The following PARVA variants were observed in gnomAD, a reference collection of about 807,000 sequenced individuals.
PARVA encodes the protein parvin alpha.
A neutral mutation model predicts 52.6 loss-of-function variants in PARVA; 25 were observed. The ratio of observed to expected loss-of-function variants is 0.48; its 90% CI spans 0.35 to 0.66. PARVA has a LOEUF of 0.66. Among genes scored for constraint, PARVA ranks in the 30% least tolerant of loss-of-function variants. PARVA has a pLI of 0.01. For synonymous variants in PARVA, 185 were observed against 179.1 expected (o/e 1.03, Z -0.26); for missense variants, 373 against 450.9 (o/e 0.83, Z 1.56).
At chr11:12,458,297 GAC>G (rs925683481) in intron 1 of PARVA, among the ~76,000 whole-genome samples, 4 of 152,178 alleles carry the variant, frequency 2.6e-5, no homozygotes, top group African/African-American at 9.6e-5. Flanking sequence ...GTTTTCTCAG[GAC>G]AGTGTCATAC....
At chr11:12,525,924 G>A (rs976262347) in intron 12 of PARVA, among the ~76,000 whole-genome samples, 3 of 151,962 alleles carry the variant, frequency 2.0e-5, no homozygotes, top group Non-Finnish European at 2.9e-5. Flanking sequence ...TGGGGTGGGG[G>A]GAACCTAAGG....
At chr11:12,459,192 AG>A (rs1400598229) in intron 1 of PARVA, among the ~76,000 whole-genome samples, 1 of 151,964 alleles carries the variant, frequency 6.6e-6, no homozygotes, top group Non-Finnish European at 1.5e-5. Context: ...TTTTGGGCCC[AG>A]GGGTTCGAGA....
intron 1 of PARVA, among the ~76,000 whole-genome samples, chr11:12,455,246 T>A (rs1291616017): frequency 6.6e-6 from 1 of 152,188 alleles, no homozygotes; most frequent in Non-Finnish European, 1.5e-5. Flanking sequence ...AGATAATTAA[T>A]CCATTAGGGA....
At chr11:12,455,719 C>T (rs764607928) in intron 1 of PARVA, among the ~76,000 whole-genome samples, 29 of 152,100 alleles carry the variant, frequency 1.9e-4, no homozygotes, top group Non-Finnish European at 3.7e-4. Flanking sequence ...TATTTAGAGA[C>T]CACAGTCCAG....
intron 1 of PARVA, among the ~76,000 whole-genome samples, chr11:12,427,141 T>C (rs10734197): frequency 0.77 from 117,103 of 152,142 alleles, 49,086 homozygotes; most frequent in Non-Finnish European, 0.92. Flanking sequence ...TTAATTAATA[T>C]AGTAGAGCTA....
At position 12,529,296 on chromosome 11, in the gene PARVA, C is replaced by T. The variant is rs1299279148; in HGVS notation, c.*1371C>T. ...AAAGACAGAGCTCTAGTGTGCCAGC[C>T]TGCTAAGTCCTGTAAGAATAGGGAA... On this transcript the variant is annotated 3_prime_UTR_variant, in exon 13 of 13. Coordinates refer to ENST00000334956, the MANE Select transcript of PARVA (RefSeq NM_018222.5). 3 of 152,096 alleles carry T rather than the reference C, an allele frequency of 2.0e-5. No individual in the cohort carries two copies. The highest frequency in any genetic ancestry group is 4.4e-5 in the Non-Finnish European group (3 of 68,024). 9.4% of individuals were successfully genotyped at this position (152,096 alleles called of 1,614,324 possible). A position where few individuals can be genotyped will look rare whatever the true frequency, so the allele number is the denominator to read the frequency against.
At chr11:12,393,104 A>G (rs964711218) in intron 1 of PARVA, among the ~76,000 whole-genome samples, 2 of 151,790 alleles carry the variant, frequency 1.3e-5, no homozygotes, top group African/African-American at 4.8e-5. Flanking sequence ...GCAAAGATTT[A>G]CACGTAAGTG....
chr11:12,380,049 A>T (rs1311288814), intron 1 of PARVA, among the ~76,000 whole-genome samples: 1 of 152,166 alleles, frequency 6.6e-6, no homozygotes, highest in Non-Finnish European at 1.5e-5. Flanking sequence ...GCCTTTTATT[A>T]CTACCTTGCT....
intron 1 of PARVA, among the ~76,000 whole-genome samples, chr11:12,445,904 C>A (rs181824195): frequency 2.0e-5 from 3 of 152,112 alleles, no homozygotes; most frequent in Admixed American, 2.0e-4. Flanking sequence ...CCCTATACCG[C>A]AACAAATGCC....
chr11:12,474,049 C>T, intron 3 of PARVA, 66 bp downstream of exon 3: 6 of 1,294,084 alleles, frequency 4.6e-6, no homozygotes, highest in Non-Finnish European at 6.6e-6. Flanking sequence ...ATGCCACCTG[C>T]TCTGTGCAGG....
At position 12,377,683 on chromosome 11, in the gene PARVA, C is replaced by T. The variant is rs773284103; in HGVS notation, c.36C>T (p.Pro12=). The change falls in exon 1 of 13, where the codon CCC becomes CCT. Residue 12 remains proline, a synonymous_variant. Coordinates refer to ENST00000334956, the MANE Select transcript of PARVA (RefSeq NM_018222.5). Reference sequence around the variant, plus strand: ...CCCCGCAGAAGTCGCCTTCTGTCCCCAAGTCTCCCACTCCCAAGTCGCCCC... The same window carrying T: ...CCCCGCAGAAGTCGCCTTCTGTCCCTAAGTCTCCCACTCCCAAGTCGCCCC... ...ATSPQKSPSV[P]KSPTPKSPPS... The T allele has an allele frequency of 2.5e-6, 4 of 1,569,036 alleles. No individual in the cohort carries two copies. In the African/African-American group the frequency reaches 5.7e-5, roughly 22 times the overall value.
intron 7 of PARVA, among the ~76,000 whole-genome samples, chr11:12,509,210 G>C (rs905041297): frequency 2.0e-5 from 3 of 151,734 alleles, no homozygotes; most frequent in Non-Finnish European, 2.9e-5. Context: ...GTGATCCCGA[G>C]AACTGCACCC....
At chr11:12,521,256 G>C (rs1941632886) in intron 12 of PARVA, among the ~76,000 whole-genome samples, 1 of 152,130 alleles carries the variant, frequency 6.6e-6, no homozygotes, top group African/African-American at 2.4e-5. Context: ...CACTTCATTT[G>C]GGGAAGACTT....
intron 4 of PARVA, among the ~76,000 whole-genome samples, chr11:12,490,244 C>T (rs1363112798): frequency 2.8e-5 from 4 of 142,642 alleles, no homozygotes; most frequent in African/African-American, 5.2e-5. Flanking sequence ...TTAGGAGAGG[C>T]GGGGCTCAGT....
At chr11:12,452,318 G>C (rs1179804200) in intron 1 of PARVA, among the ~76,000 whole-genome samples, 2 of 152,182 alleles carry the variant, frequency 1.3e-5, no homozygotes, top group African/African-American at 4.8e-5. Context: ...CTTGTGCTTA[G>C]AAAAGTGGAT....
chr11:12,396,780 G>T (rs986572293), intron 1 of PARVA, among the ~76,000 whole-genome samples: 11 of 152,192 alleles, frequency 7.2e-5, no homozygotes, highest in Non-Finnish European at 1.0e-4. Context: ...TGGTAAAACA[G>T]AATTTTTAAA....
chr11:12,526,494 A>G (rs988062199), intron 12 of PARVA, among the ~76,000 whole-genome samples: 7 of 152,212 alleles, frequency 4.6e-5, no homozygotes, highest in Admixed American at 3.9e-4. Context: ...AATATCACAT[A>G]TACAGAAAGG....
rs187608700 is a variant in PARVA, at chr11:12,473,009, G to A, written c.137-736G>A. Among the ~76,000 whole-genome samples, 225 of 152,232 alleles carry A rather than the reference G, an allele frequency of 1.5e-3. 1 individual carries two copies. The highest frequency in any genetic ancestry group is 5.0e-3 in the African/African-American group (208 of 41,510). On this transcript the variant is annotated intron_variant, in intron 1 of 12. Transcript: ENST00000334956. ...TTTACCTGTTTTTGTTTTTCTTTCT[G>A]AGGAAGGTGGAATTACAGATTTCTA...
Position 12,473,839 on chromosome 11 carries a change from C to CA in PARVA, c.226+5_226+6insA. The CA allele has an allele frequency of 6.4e-7, 1 of 1,567,652 alleles. No individual in the cohort carries two copies. The highest frequency in any genetic ancestry group is 8.7e-7 in the Non-Finnish European group (1 of 1,155,238). On this transcript the variant is annotated splice_donor_region_variant and intron_variant, in intron 2 of 12. Transcript: ENST00000334956. ...ACCCCGAGGACACGATGCTGGGTAACTGTGCTCTTGTCTCTGAATTCGCTT... is the reference window on the plus strand; with the variant it reads ...ACCCCGAGGACACGATGCTGGGTAACATGTGCTCTTGTCTCTGAATTCGCTT...
Sources: gnomAD v4.1 joint callset for allele counts (sites outside exome capture counted in the v4.1 genomes callset) on GRCh38, gnomAD v4.1.1 for gene constraint, MANE v1.5 for transcripts, NCBI Gene and HGNC (gene_info 2026-07-23, HGNC 2026-07-21) for gene names.